UBAP2: variants seen among roughly 807,000 people sequenced by gnomAD.
The protein encoded by UBAP2 is ubiquitin associated protein 2, also known as ubiquitin-associated protein 2.
UBAP2 carries 75 observed loss-of-function variants against 139.6 expected under a neutral mutation model. The ratio of observed to expected loss-of-function variants is 0.54; its 90% CI spans 0.45 to 0.65. UBAP2 has a LOEUF of 0.65. Among genes scored for constraint, UBAP2 ranks in the 30% least tolerant of loss-of-function variants. The pLI is 0.00. For missense variants in UBAP2, 1,368 were observed against 1,369.6 expected (o/e 1.00, Z 0.02); for synonymous variants, 526 against 526.2 (o/e 1.00, Z 0.01).
chr9:33,954,558 TCTC>T (rs975624756), intron 11 of UBAP2, among the ~76,000 whole-genome samples: 1 of 151,986 alleles, frequency 6.6e-6, no homozygotes, highest in African/African-American at 2.4e-5. Flanking sequence ...TCCCATCAGT[TCTC>T]CTAACTGACA....
In UBAP2 at chr9:33,944,622, C is replaced by G; in HGVS notation, c.1288G>C (p.Glu430Gln). Reference protein sequence around the residue: ...LSHLDFKSQPEPSPVLSQLSQ... With the variant: ...LSHLDFKSQPQPSPVLSQLSQ... ...AACTGGCTAAGAACTGGGGATGGCT[C>G]AGGTTGAGATTTGAAGTCTAAAAAA... The change falls in exon 14 of 29, where the codon GAG becomes CAG. Residue 430 changes from glutamate (E) to glutamine (Q), a missense_variant. Physicochemically the swap from Glu to Gln is conservative, Grantham distance 29 (BLOSUM62 2). Coordinates refer to ENST00000379238, the MANE Select transcript of UBAP2 (RefSeq NM_001370062.2). 2 of 1,613,428 alleles carry G rather than the reference C, an allele frequency of 1.2e-6. No individual in the cohort carries two copies. The highest frequency in any genetic ancestry group is 1.7e-6 in the Non-Finnish European group (2 of 1,179,472).
chr9:34,025,249 T>C (rs773868291), intron 1 of UBAP2, among the ~76,000 whole-genome samples: 4 of 152,158 alleles, frequency 2.6e-5, no homozygotes, highest in African/African-American at 7.2e-5. Context: ...TGCCAGACCA[T>C]AGGAATTCAG....
chr9:33,941,682 C>T lies in UBAP2; in HGVS notation c.1896G>A (p.Val632=). Residue 632 remains valine (V), a synonymous_variant, in exon 16 of 29, where the codon GTG becomes GTA. Transcript: ENST00000379238. The part of the protein sequence containing the change: ...VHNRIPYQSP[V]SSSESAPGTI... ...TTCCTGGAGCTGACTCTGATGAACT[C>T]ACAGGGCTTTGGTATGGGATCCTGT... 1 of 1,614,122 alleles carries T rather than the reference C, an allele frequency of 6.2e-7. No homozygotes were observed. Among genetic ancestry groups the T allele is most frequent in the African/African-American group, 1.3e-5 (1 of 75,028 alleles).
intron 12 of UBAP2, chr9:33,952,705 T>A (rs1826201134): frequency 6.5e-6 from 1 of 154,536 alleles, no homozygotes; most frequent in Non-Finnish European, 1.5e-5. Flanking sequence ...AAGGGGTACT[T>A]TCAATCTCAA....
At chr9:33,943,124 G>A (rs1259659519) in intron 15 of UBAP2, among the ~76,000 whole-genome samples, 1 of 152,150 alleles carries the variant, frequency 6.6e-6, no homozygotes, top group Admixed American at 6.5e-5. Context: ...TTAAACATGG[G>A]TGTACCTCGA....
chr9:33,949,620 T>G (rs1825930658), intron 12 of UBAP2, among the ~76,000 whole-genome samples: 1 of 152,028 alleles, frequency 6.6e-6, no homozygotes, highest in Non-Finnish European at 1.5e-5. Flanking sequence ...GGAGAATCGC[T>G]TGAACCCAGG....
Position 33,952,501 on chromosome 9 carries a change from CT to C in UBAP2, c.1056+783del, listed in dbSNP as rs373744232. On this transcript the variant is annotated intron_variant, in intron 12 of 28. Coordinates refer to ENST00000379238, the MANE Select transcript of UBAP2 (RefSeq NM_001370062.2). ...CATTTGGCATTTTAAGAAAATGTAG[CT>C]TATTTTACGGTCTTAGGGGGAAAAA... Among the ~76,000 whole-genome samples, 951 of 152,150 alleles carry C rather than the reference CT, an allele frequency of 6.3e-3. 2 individuals carry two copies. Among genetic ancestry groups the C allele is most frequent in the Middle Eastern group, 0.01 (3 of 294 alleles).
At chr9:33,999,886 GTATGTATGTATGTATGTATGT>G (rs770740928) in intron 2 of UBAP2, among the ~76,000 whole-genome samples, 73 of 74,430 alleles carry the variant, frequency 9.8e-4, no homozygotes, top group Admixed American at 1.7e-3. Flanking sequence ...ATGTATGTAT[GTATGTATGTATGTATGTATGT>G]TATTTTGAGA....
intron 1 of UBAP2, among the ~76,000 whole-genome samples, chr9:34,042,257 T>G (rs1159803659): frequency 4.0e-5 from 6 of 150,070 alleles, no homozygotes; most frequent in Non-Finnish European, 7.4e-5. Context: ...GGTGGGCGGA[T>G]CATGAGGTCA....
Position 33,927,789 on chromosome 9 carries a change from G to T in UBAP2, c.2371+8C>A. On this transcript the variant is annotated splice_region_variant and intron_variant, in intron 20 of 28. Transcript: ENST00000379238. ...GGGGTGGGCAGGAAAGGCCTCTGGA[G>T]CAAATACCTGAGGTCACCAAGGGCG... 1 of 1,602,810 alleles carries T rather than the reference G, an allele frequency of 6.2e-7. No individual in the cohort carries two copies. The highest frequency in any genetic ancestry group is 8.5e-7 in the Non-Finnish European group (1 of 1,175,516).
chr9:33,989,496 C>CG (rs1821518081), intron 4 of UBAP2, among the ~76,000 whole-genome samples: 1 of 151,998 alleles, frequency 6.6e-6, no homozygotes, highest in Non-Finnish European at 1.5e-5. Context: ...CCACCGCGCC[C>CG]GGCACATGCA....
At chr9:33,935,984 T>C (rs1043273367) in intron 16 of UBAP2, 106 bp from the exon 17 acceptor site, 2 of 1,033,766 alleles carry the variant, frequency 1.9e-6, no homozygotes, top group African/African-American at 1.7e-5. Context: ...GAAACAATTA[T>C]CTCTTTTATT....
chr9:33,978,175 T>C (rs1820320172), intron 6 of UBAP2, among the ~76,000 whole-genome samples: 1 of 129,236 alleles, frequency 7.7e-6, no homozygotes, highest in Non-Finnish European at 1.9e-5. Flanking sequence ...ATCAGCATTT[T>C]ATTAAATGCT....
intron 1 of UBAP2, among the ~76,000 whole-genome samples, chr9:34,021,086 T>C (rs1311776287): frequency 6.6e-6 from 1 of 152,230 alleles, no homozygotes; most frequent in Non-Finnish European, 1.5e-5. Flanking sequence ...CTACATATTT[T>C]TGATCTGTGT....
chr9:34,024,021 G>C (rs1205246489), intron 1 of UBAP2, among the ~76,000 whole-genome samples: 3 of 151,160 alleles, frequency 2.0e-5, no homozygotes, highest in Non-Finnish European at 2.9e-5. Flanking sequence ...TCCAGTCCGG[G>C]TGACAGAGCA....
At position 34,039,847 on chromosome 9, in the gene UBAP2, TAAA is replaced by T. The variant is rs74180526; in HGVS notation, c.-42+8975_-42+8977del. ...ACACCCAAGAATGATCAATAAATAC[TAAA>T]AAAAAAAAAAAAAAAAAAAAAATAC... On this transcript the variant is annotated intron_variant, in intron 1 of 28. Transcript: ENST00000379238. 8.9e-3 allele frequency among the ~76,000 whole-genome samples: 752 copies of T among 84,396 alleles called. 5 individuals carry two copies. Among genetic ancestry groups the T allele is most frequent in the Middle Eastern group, 0.036 (3 of 84 alleles). 55.4% of individuals were successfully genotyped at this position (84,396 alleles called of 152,430 possible). A position where few individuals can be genotyped will look rare whatever the true frequency, so the allele number is the denominator to read the frequency against.
intron 2 of UBAP2, among the ~76,000 whole-genome samples, chr9:34,016,346 A>G (rs1824316127): frequency 9.6e-6 from 1 of 103,886 alleles, no homozygotes; most frequent in African/African-American, 4.3e-5. Flanking sequence ...GAGGAAGAGG[A>G]GGAGGCAGCA....
intron 21 of UBAP2, 115 bp downstream of exon 21, chr9:33,926,874 G>A (rs1823479627): frequency 2.7e-6 from 3 of 1,104,028 alleles, no homozygotes; most frequent in Non-Finnish European, 4.1e-6. Context: ...GGGGTGCTCA[G>A]GGATGGAAGG....
chr9:34,030,371 C>A (rs1437338120), intron 1 of UBAP2, among the ~76,000 whole-genome samples: 9 of 152,078 alleles, frequency 5.9e-5, no homozygotes, highest in Middle Eastern at 3.4e-3. Context: ...ATGGCGTGAA[C>A]CCGGAAGGCG....
Sources: gnomAD v4.1 joint callset for allele counts (sites outside exome capture counted in the v4.1 genomes callset) on GRCh38, gnomAD v4.1.1 for gene constraint, MANE v1.5 for transcripts, NCBI Gene and HGNC (gene_info 2026-07-23, HGNC 2026-07-21) for gene names.